The following DTWD2 variants were observed in gnomAD, a reference collection of about 807,000 sequenced individuals.
DTWD2 encodes the protein DTW motif tRNA-uridine aminocarboxypropyltransferase 2, also known as tRNA-uridine aminocarboxypropyltransferase 2.
DTWD2 carries 39 observed loss-of-function variants against 31.8 expected under a neutral mutation model. That is an observed-to-expected ratio of 1.22 (90% CI 0.95 to 1.60). The LOEUF (loss-of-function observed/expected upper bound fraction) is 1.60, where lower values mean the gene tolerates loss of function less well. DTWD2 is among the 40% of genes most tolerant of loss of function. The pLI is 0.00. For synonymous variants in DTWD2, 180 were observed against 142.8 expected (o/e 1.26, Z -1.86); for missense variants, 515 against 381.5 (o/e 1.35, Z -2.92).
At chr5:118,857,700 G>C (rs1752170405) in intron 4 of DTWD2, among the ~76,000 whole-genome samples, 6 of 152,098 alleles carry the variant, frequency 3.9e-5, no homozygotes, top group Admixed American at 3.9e-4. Context: ...AAACACCAAA[G>C]TCACCTAAAA....
At chr5:118,913,683 G>GT (rs1460702399) in intron 4 of DTWD2, among the ~76,000 whole-genome samples, 1 of 151,778 alleles carries the variant, frequency 6.6e-6, no homozygotes, top group East Asian at 1.9e-4. Flanking sequence ...GTGAATAACC[G>GT]TAAGTCATAA....
At chr5:118,965,015 C>A (rs1216287069) in intron 1 of DTWD2, among the ~76,000 whole-genome samples, 1 of 151,820 alleles carries the variant, frequency 6.6e-6, no homozygotes, top group Admixed American at 6.6e-5. Context: ...GCCCGGCCGC[C>A]CATCGTCTGA....
intron 4 of DTWD2, among the ~76,000 whole-genome samples, chr5:118,853,772 G>T (rs962953981): frequency 6.6e-6 from 1 of 152,044 alleles, no homozygotes; most frequent in Non-Finnish European, 1.5e-5. Flanking sequence ...CTACGTATTG[G>T]GTACTATGCT....
At position 118,947,777 on chromosome 5, in the gene DTWD2, C is replaced by T. The variant is rs576606596; in HGVS notation, c.219-3128G>A. On this transcript the variant is annotated intron_variant, in intron 1 of 5. Transcript: ENST00000510708. Reference sequence around the variant, plus strand: ...CCTCCTGTTCCTATCACTGGGATTACAGGCATGAGCCACCATACTCAACCA... The same window carrying T: ...CCTCCTGTTCCTATCACTGGGATTATAGGCATGAGCCACCATACTCAACCA... Among the ~76,000 whole-genome samples the T allele has an allele frequency of 1.5e-4, 23 of 152,310 alleles. 1 individual carries two copies. Among genetic ancestry groups the T allele is most frequent in the African/African-American group, 5.5e-4 (23 of 41,566 alleles).
chr5:118,955,350 A>G (rs1754561736), intron 1 of DTWD2, among the ~76,000 whole-genome samples: 1 of 152,222 alleles, frequency 6.6e-6, no homozygotes, highest in South Asian at 2.1e-4. Flanking sequence ...TTCCTCCCCG[A>G]CAATGCTCTG....
chr5:118,911,485 C>T (rs1288997134), intron 4 of DTWD2, among the ~76,000 whole-genome samples: 4 of 152,150 alleles, frequency 2.6e-5, no homozygotes, highest in Non-Finnish European at 5.9e-5. Context: ...ACCATATGAT[C>T]CAGCAATCCT....
At chr5:118,931,985 A>G (rs1292474389) in intron 3 of DTWD2, among the ~76,000 whole-genome samples, 1 of 152,248 alleles carries the variant, frequency 6.6e-6, no homozygotes, top group East Asian at 1.9e-4. Flanking sequence ...ACCACGGGTC[A>G]AGAGATAAGT....
At chr5:118,940,553 CTTGAT>C (rs1368359558) in intron 2 of DTWD2, among the ~76,000 whole-genome samples, 4 of 152,084 alleles carry the variant, frequency 2.6e-5, no homozygotes, top group African/African-American at 9.7e-5. Context: ...TTTTCTATTT[CTTGAT>C]TTATCGATTT....
rs554206272 is a variant in DTWD2, at chr5:118,934,421, C to G, written c.404+4775G>C. Among the ~76,000 whole-genome samples the G allele has an allele frequency of 1.6e-4, 23 of 146,694 alleles. No homozygotes were observed. In the South Asian group the frequency reaches 4.5e-3, roughly 29 times the overall value. Reference sequence around the variant, plus strand: ...TATCTAAAAGTAAAATACATGAAAACAATAACACAAAAAATAGAAGGAGAT... The same window carrying G: ...TATCTAAAAGTAAAATACATGAAAAGAATAACACAAAAAATAGAAGGAGAT... On this transcript the variant is annotated intron_variant, in intron 3 of 5. Coordinates refer to ENST00000510708, the MANE Select transcript of DTWD2 (RefSeq NM_173666.4).
intron 4 of DTWD2, among the ~76,000 whole-genome samples, chr5:118,893,823 G>A (rs907655983): frequency 6.6e-6 from 1 of 152,140 alleles, no homozygotes; most frequent in African/African-American, 2.4e-5. Flanking sequence ...ACAGCCATCA[G>A]CTGGACCCAG....
chr5:118,855,170 A>G (rs1007774895), intron 4 of DTWD2, among the ~76,000 whole-genome samples: 2 of 149,568 alleles, frequency 1.3e-5, no homozygotes, highest in African/African-American at 4.9e-5. Flanking sequence ...CTGTCTCAAA[A>G]AAAAAAAATA....
chr5:118,973,591 G>A (rs1755042376), intron 1 of DTWD2, among the ~76,000 whole-genome samples: 1 of 141,944 alleles, frequency 7.0e-6, no homozygotes, highest in South Asian at 2.1e-4. Flanking sequence ...AGCCATCTTT[G>A]CATTGTTCCT....
chr5:118,888,204 C>T (rs1363274845), intron 4 of DTWD2, among the ~76,000 whole-genome samples: 4 of 152,186 alleles, frequency 2.6e-5, no homozygotes, highest in Non-Finnish European at 5.9e-5. Context: ...TGAACATAAG[C>T]ATGGCACACC....
At chr5:118,934,671 A>C (rs1222169420) in intron 3 of DTWD2, among the ~76,000 whole-genome samples, 1 of 152,206 alleles carries the variant, frequency 6.6e-6, no homozygotes, top group Non-Finnish European at 1.5e-5. Context: ...AATAACTGAT[A>C]GGACTAATAG....
In DTWD2 at chr5:118,957,977, T is replaced by C. The variant is rs1218825723; in HGVS notation, c.219-13328A>G. 2.0e-5 allele frequency among the ~76,000 whole-genome samples: 3 copies of C among 152,208 alleles called. No individual in the cohort carries two copies. The East Asian group carries it at 5.8e-4, about 29-fold the overall frequency. Reference sequence around the variant, plus strand: ...GCATCATATACTAATATACAATAAGTGTGTGTAATTAGAGAAAAATAAGCC... The same window carrying C: ...GCATCATATACTAATATACAATAAGCGTGTGTAATTAGAGAAAAATAAGCC... On this transcript the variant is annotated intron_variant, in intron 1 of 5. Transcript: ENST00000510708.
At chr5:118,959,767 A>AT (rs1262096375) in intron 1 of DTWD2, among the ~76,000 whole-genome samples, 3 of 152,210 alleles carry the variant, frequency 2.0e-5, no homozygotes, top group African/African-American at 7.2e-5. Context: ...ATACAGATTA[A>AT]TGGTACAGAA....
At chr5:118,901,357 C>T (rs752314452) in intron 4 of DTWD2, among the ~76,000 whole-genome samples, 17 of 152,104 alleles carry the variant, frequency 1.1e-4, no homozygotes, top group Admixed American at 2.6e-4. Flanking sequence ...AACAATGAAG[C>T]AGCACTGAAA....
intron 4 of DTWD2, among the ~76,000 whole-genome samples, chr5:118,902,754 T>C (rs1405883957): frequency 1.3e-5 from 2 of 152,128 alleles, no homozygotes; most frequent in Admixed American, 1.3e-4. Flanking sequence ...TATAGCAATT[T>C]TTGAGATATC....
intron 4 of DTWD2, among the ~76,000 whole-genome samples, chr5:118,854,711 G>C (rs1222043207): frequency 6.6e-6 from 1 of 151,982 alleles, no homozygotes; most frequent in Admixed American, 6.6e-5. Context: ...TAATCTTCAA[G>C]GTAGTCAACT....
Sources: allele counts gnomAD v4.1 joint callset (sites outside exome capture counted in the v4.1 genomes callset), GRCh38; gene constraint gnomAD v4.1.1; transcripts MANE v1.5; gene names NCBI Gene and HGNC (gene_info 2026-07-23, HGNC 2026-07-21).